The following HAUS7 variants were observed in gnomAD, a reference collection of about 807,000 sequenced individuals.
HAUS7 encodes the protein HAUS augmin like complex subunit 7.
A neutral mutation model predicts 28.4 loss-of-function variants in HAUS7; 3 were observed. The ratio of observed to expected loss-of-function variants is 0.11; its 90% CI spans 0.05 to 0.27. The LOEUF (loss-of-function observed/expected upper bound fraction) is 0.27, where lower values mean the gene tolerates loss of function less well. HAUS7 is among the 10% of genes least tolerant of loss of function. HAUS7 has a pLI of 1.00. For missense variants in HAUS7, 284 were observed against 297.3 expected (o/e 0.96, Z 0.33); for synonymous variants, 165 against 132.1 (o/e 1.25, Z -1.71).
At chrX:153,456,717 C>G (rs2089317313) in intron 5 of HAUS7, 66 bp from the exon 6 acceptor site, 1 of 936,742 alleles carries the variant, frequency 1.1e-6, no homozygotes, top group Non-Finnish European at 1.5e-6. Context: ...GGCCCTCAGC[C>G]CCACAGGGAA....
intron 1 of HAUS7, 66 bp downstream of exon 1, chrX:153,470,383 CT>C: frequency 9.0e-7 from 1 of 1,114,880 alleles, no homozygotes; most frequent in Non-Finnish European, 1.2e-6. Context: ...GCAGCAAGCC[CT>C]CCCGGGCCTC....
chrX:153,481,251 C>A, intron 1 of HAUS7: 2 of 607,300 alleles, frequency 3.3e-6, no homozygotes, highest in South Asian at 1.7e-4. Context: ...GTCGCTCCAA[C>A]CCAGGCTGGC....
intron 1 of HAUS7, chrX:153,480,752 G>A (rs1448192488): frequency 8.2e-5 from 62 of 753,851 alleles, no homozygotes; most frequent in Non-Finnish European, 9.5e-5. Flanking sequence ...TGAGGAAGGA[G>A]TCACCCCCAG....
At position 153,455,519 on chromosome X, in the gene HAUS7, G is replaced by C. The variant is rs782096283; in HGVS notation, c.930+23C>G. The C allele has an allele frequency of 7.8e-6, 8 of 1,031,913 alleles. No individual in the cohort carries two copies. In the African/African-American group the frequency reaches 1.3e-4, roughly 17 times the overall value. 85.0% of individuals were successfully genotyped at this position (1,031,913 alleles called of 1,213,427 possible). ...GTGAACAGGGGAGGGGGCGGTTAGA[G>C]GGGAGGGGAAGGGCACCCTTACTTG... On this transcript the variant is annotated intron_variant, in intron 8 of 9. Coordinates refer to ENST00000370211, the MANE Select transcript of HAUS7 (RefSeq NM_001385482.1).
Position 153,464,991 on chromosome X carries a change from G to T in HAUS7, c.289C>A (p.Gln97Lys), listed in dbSNP as rs781934939. The T allele has an allele frequency of 2.5e-6, 3 of 1,180,591 alleles. No individual in the cohort carries two copies. The African/African-American group carries it at 5.2e-5, about 21-fold the overall frequency. ...LKGVPTEVKI[Q>K]EMTKLGHELM... ...AATGGACCAAGATTCCACCTACCTT[G>T]GATCTTCACCTCTGTTGGGACCCCT... The change falls in exon 3 of 10, where the codon CAA becomes AAA. Residue 97 changes from glutamine (Q) to lysine (K), a missense_variant. By Grantham distance (53) the Gln-to-Lys change is moderately conservative. Coordinates refer to ENST00000370211, the MANE Select transcript of HAUS7 (RefSeq NM_001385482.1).
At chrX:153,478,029 C>T (rs1556986565) in intron 1 of HAUS7, among the ~76,000 whole-genome samples, 1 of 112,714 alleles carries the variant, frequency 8.9e-6, no homozygotes, top group African/African-American at 3.2e-5. Context: ...TGCCCCTCCT[C>T]CACTGCTTCC....
chrX:153,452,596 A>G (rs186165775), intron 9 of HAUS7, among the ~76,000 whole-genome samples: 15 of 112,726 alleles, frequency 1.3e-4, no homozygotes, highest in African/African-American at 3.9e-4. Flanking sequence ...CAGTTTCTGT[A>G]TACTATTGAA....
chrX:153,473,223 A>T (rs1556985677), upstream of HAUS7, among the ~76,000 whole-genome samples: 1 of 112,642 alleles, frequency 8.9e-6, no homozygotes, highest in East Asian at 2.8e-4. Flanking sequence ...GTGCAGCGGG[A>T]ATCAACCAGG....
At chrX:153,452,816 G>A (rs2124069215) in intron 9 of HAUS7, among the ~76,000 whole-genome samples, 1 of 111,335 alleles carries the variant, frequency 9.0e-6, no homozygotes, top group African/African-American at 3.3e-5. Context: ...AACCCCATCT[G>A]TACTTAAAAA....
intron 1 of HAUS7, among the ~76,000 whole-genome samples, chrX:153,493,676 G>A (rs2089686088): frequency 9.0e-6 from 1 of 111,461 alleles, no homozygotes; most frequent in South Asian, 3.8e-4. Context: ...GTTTGGTCAA[G>A]GTGCCATGCG....
rs201262645 is a variant in HAUS7, at chrX:153,455,570, G to A, written c.902C>T (p.Thr301Met). The A allele has an allele frequency of 1.8e-5, 22 of 1,204,541 alleles. No homozygotes were observed. The highest frequency in any genetic ancestry group is 7.0e-5 in the African/African-American group (4 of 57,191). Residue 301 changes from threonine to methionine, a missense_variant, in exon 8 of 10, where the codon ACG (threonine) becomes ATG (methionine). Coordinates refer to ENST00000370211, the MANE Select transcript of HAUS7 (RefSeq NM_001385482.1). ...GCTGTAGGAAGTCAGATTCTGGTGC[G>A]TGGCCTGGATGATGGGGCCGCACGG... ...LHPCGPIIQA[T>M]HQNLTSYSQL...
In HAUS7 at chrX:153,448,096, A is replaced by G. The variant is rs979276268; in HGVS notation, c.1046-187T>C. Among the ~76,000 whole-genome samples the G allele has an allele frequency of 4.5e-5, 5 of 110,013 alleles. No individual in the cohort carries two copies. The East Asian group carries it at 8.4e-4, about 19-fold the overall frequency. On this transcript the variant is annotated intron_variant, in intron 9 of 9. Transcript: ENST00000370211. ...CTGCTATACAGACACATGCACACGT[A>G]TGTTTATTGCAGCACTATTCACAAT... is the stretch of plus-strand genomic sequence containing the variant.
chrX:153,475,673 T>C (rs782369199), intron 1 of HAUS7, among the ~76,000 whole-genome samples: 214 of 112,736 alleles, frequency 1.9e-3, no homozygotes, highest in African/African-American at 6.6e-3. Flanking sequence ...GCCACCCATG[T>C]GCCACACACT....
intron 1 of HAUS7, among the ~76,000 whole-genome samples, chrX:153,477,421 C>T (rs1463973855): frequency 4.4e-5 from 5 of 113,598 alleles, no homozygotes; most frequent in Non-Finnish European, 7.5e-5. Flanking sequence ...CAGGCAGGGA[C>T]CTACCCCGTT....
At chrX:153,454,299 G>T in intron 9 of HAUS7, 95 bp downstream of exon 9, 1 of 526,448 alleles carries the variant, frequency 1.9e-6, no homozygotes. Context: ...GAAGGGGCCG[G>T]TCCCCAAATG....
Position 153,462,077 on chromosome X carries a change from T to TA in HAUS7, c.354+532dup, listed in dbSNP as rs138590468. 5.8e-5 allele frequency: 55 copies of TA among 947,266 alleles called. No homozygotes were observed. The African/African-American group carries it at 8.2e-4, about 14-fold the overall frequency. 78.1% of individuals were successfully genotyped at this position (947,266 alleles called of 1,213,427 possible). A position where few individuals can be genotyped will look rare whatever the true frequency, so the allele number is the denominator to read the frequency against. ...TCACGTGAATAAATCTCTTCAGATA[T>TA]AAAAAAAAGAAAACGTGTTCAGTCA... is the stretch of plus-strand genomic sequence containing the variant. On this transcript the variant is annotated intron_variant, in intron 4 of 9. Coordinates refer to ENST00000370211, the MANE Select transcript of HAUS7 (RefSeq NM_001385482.1).
rs959249863 is a variant in HAUS7 at position 153,481,899 on chromosome X, C to T, written c.-588-10754G>A. On this transcript the variant is annotated intron_variant, in intron 1 of 5. Transcript: ENST00000370210. ...TCTCAGCAAGAACAAGCTGGATCCC[C>T]GAGGCCTGCACCCCCATGCCTTCAA... 2.4e-5 allele frequency: 18 copies of T among 752,832 alleles called. No homozygotes were observed. In the Admixed American group the frequency reaches 7.0e-4, roughly 29 times the overall value. 62.0% of individuals were successfully genotyped at this position (752,832 alleles called of 1,213,427 possible).
At chrX:153,483,560 C>G (rs1427437757) in intron 1 of HAUS7, 1 of 628,395 alleles carries the variant, frequency 1.6e-6, no homozygotes, top group Admixed American at 8.8e-5. Flanking sequence ...TGCTGAGCCA[C>G]GGAGCCCCAG....
At chrX:153,471,241 G>A (rs139954196), upstream of HAUS7, 841 of 238,772 alleles carry the variant, frequency 3.5e-3, 8 homozygotes, top group African/African-American at 0.023. Context: ...ACCTAATGGA[G>A]CTAATGAGAG....
Sources: gnomAD v4.1 joint callset for allele counts (sites outside exome capture counted in the v4.1 genomes callset) on GRCh38, gnomAD v4.1.1 for gene constraint, MANE v1.5 for transcripts, NCBI Gene and HGNC (gene_info 2026-07-23, HGNC 2026-07-21) for gene names.